Variants in SLC27A2 observed in about 807,000 individuals in gnomAD.
SLC27A2 encodes the protein long-chain fatty acid transport protein 2.
SLC27A2 carries 54 observed loss-of-function variants against 60.0 expected under a neutral mutation model. The observed-to-expected ratio is 0.90, with a 90% confidence interval of 0.72 to 1.13. The LOEUF (loss-of-function observed/expected upper bound fraction) is 1.13, where lower values mean the gene tolerates loss of function less well. Ranked by LOEUF, SLC27A2 falls within the 50% of genes most tolerant of loss-of-function variation. The pLI, the probability that SLC27A2 is intolerant of heterozygous loss-of-function variation, is 0.00. For synonymous variants in SLC27A2, 297 were observed against 297.6 expected, an observed-to-expected ratio of 1.00 and a Z score of 0.02; for missense variants, 739 against 777.6, an observed-to-expected ratio of 0.95 and a Z score of 0.59.
At chr15:50,211,094 A>T (rs2045151177) in intron 4 of SLC27A2, among the ~76,000 whole-genome samples, 1 of 152,176 alleles carries the variant, frequency 6.6e-6, no homozygotes, top group Admixed American at 6.6e-5. Context: ...TAGGAATTCT[A>T]GGGCCCTGCC....
chr15:50,190,074 GGAA>G (rs1056162166), intron 1 of SLC27A2, among the ~76,000 whole-genome samples: 7 of 152,132 alleles, frequency 4.6e-5, no homozygotes, highest in Admixed American at 6.5e-5. Context: ...ATTTGTGTGG[GGAA>G]GAAGGAGGAG....
intron 4 of SLC27A2, among the ~76,000 whole-genome samples, chr15:50,208,931 T>A (rs2045133952): frequency 6.6e-6 from 1 of 152,088 alleles, no homozygotes; most frequent in African/African-American, 2.4e-5. Context: ...CTAGGGAAAG[T>A]TATTTATTGG....
At chr15:50,199,162 A>T (rs1410149735) in intron 2 of SLC27A2, among the ~76,000 whole-genome samples, 1 of 152,188 alleles carries the variant, frequency 6.6e-6, no homozygotes, top group East Asian at 1.9e-4. Flanking sequence ...GAATGGTAAA[A>T]TTAAATTGTA....
chr15:50,202,369 C>T, intron 2 of SLC27A2, 118 bp from the exon 3 acceptor site: 1 of 998,862 alleles, frequency 1.0e-6, no homozygotes. Flanking sequence ...TGGTCATGGC[C>T]CTTCCCAGTG....
chr15:50,226,903 G>A, intron 6 of SLC27A2, 77 bp from the exon 7 acceptor site: 7 of 1,212,512 alleles, frequency 5.8e-6, no homozygotes, highest in Non-Finnish European at 8.2e-6. Context: ...AGGTTGTATG[G>A]CATTAGTTTT....
intron 4 of SLC27A2, among the ~76,000 whole-genome samples, chr15:50,217,654 T>C (rs2045209184): frequency 6.6e-6 from 1 of 152,126 alleles, no homozygotes; most frequent in Non-Finnish European, 1.5e-5. Context: ...TGCCTAATCA[T>C]CTTTCTGTTG....
chr15:50,205,195 T>G (rs763902902), intron 3 of SLC27A2, 44 bp from the exon 4 acceptor site: 113 of 1,562,700 alleles, frequency 7.2e-5, no homozygotes, highest in Middle Eastern at 6.8e-4. Flanking sequence ...GGGAGAATTT[T>G]TTCCACCATT....
intron 1 of SLC27A2, among the ~76,000 whole-genome samples, chr15:50,185,806 T>C (rs1329604071): frequency 6.6e-6 from 1 of 151,982 alleles, no homozygotes; most frequent in Non-Finnish European, 1.5e-5. Flanking sequence ...ATTTTTTGTA[T>C]TTTTAGTAGG....
At chr15:50,218,596 AATTCTAG>A (rs1174929605) in intron 4 of SLC27A2, among the ~76,000 whole-genome samples, 1 of 152,196 alleles carries the variant, frequency 6.6e-6, no homozygotes, top group Non-Finnish European at 1.5e-5. Flanking sequence ...GTGCTTTCAA[AATTCTAG>A]ATACAAATTA....
At chr15:50,209,993 A>G (rs908630713) in intron 4 of SLC27A2, among the ~76,000 whole-genome samples, 2 of 152,222 alleles carry the variant, frequency 1.3e-5, no homozygotes, top group Non-Finnish European at 2.9e-5. Context: ...GGCAAGTCCC[A>G]ACAGGAAGGA....
intron 8 of SLC27A2, among the ~76,000 whole-genome samples, chr15:50,229,833 C>T (rs1347973542): frequency 6.6e-6 from 1 of 152,034 alleles, no homozygotes; most frequent in African/African-American, 2.4e-5. Context: ...ATTATTATTC[C>T]CCCACAACTC....
In SLC27A2 at chr15:50,182,549, G is replaced by A. The variant is rs751153417; in HGVS notation, c.122G>A (p.Arg41Gln). 8 of 1,613,036 alleles carry A rather than the reference G, an allele frequency of 5.0e-6. No homozygotes were observed. Among genetic ancestry groups the A allele is most frequent in the East Asian group, 2.2e-5 (1 of 44,854 alleles). Reference protein sequence around the residue: ...GYFLKVAAVGRRVRSYGKRRP... With the variant: ...GYFLKVAAVGQRVRSYGKRRP... ...TTCTTGAAGGTGGCCGCCGTGGGCC[G>A]GAGGGTGCGCAGCTACGGGAAGCGG... Residue 41 changes from arginine to glutamine, a missense_variant, in exon 1 of 10, where the codon CGG (arginine) becomes CAG (glutamine). Transcript: ENST00000267842.
rs200931662 is a variant in SLC27A2 at position 50,205,258 on chromosome 15, G to T, written c.867G>T (p.Arg289=). The T allele has an allele frequency of 2.1e-5, 34 of 1,607,852 alleles. No homozygotes were observed. Among genetic ancestry groups the T allele is most frequent in the Non-Finnish European group, 2.8e-5 (33 of 1,176,216 alleles). Residue 289 remains arginine, a synonymous_variant, in exon 4 of 10, where the codon CGG becomes CGT. Coordinates refer to ENST00000267842, the MANE Select transcript of SLC27A2 (RefSeq NM_003645.4). ...CIVAGATLAL[R]TKFSASQFWD... ...CTGTAGGTGCTACTCTTGCCTTGCGGACTAAATTTTCAGCCAGCCAGTTTT... is the reference window on the plus strand; with the variant it reads ...CTGTAGGTGCTACTCTTGCCTTGCGTACTAAATTTTCAGCCAGCCAGTTTT...
chr15:50,231,406 C>T (rs1263888479), intron 8 of SLC27A2, among the ~76,000 whole-genome samples: 1 of 152,170 alleles, frequency 6.6e-6, no homozygotes, highest in Non-Finnish European at 1.5e-5. Flanking sequence ...CGACCTTGGC[C>T]TCCCAAAGTG....
intron 4 of SLC27A2, among the ~76,000 whole-genome samples, chr15:50,213,319 A>T (rs1595688049): frequency 6.6e-6 from 1 of 152,346 alleles, no homozygotes; most frequent in East Asian, 1.9e-4. Context: ...TTGCTACTAG[A>T]CCTAAGAAAT....
chr15:50,220,723 C>A (rs767408897), intron 4 of SLC27A2, among the ~76,000 whole-genome samples: 1 of 152,140 alleles, frequency 6.6e-6, no homozygotes, highest in South Asian at 2.1e-4. Flanking sequence ...GCCTTGTGGG[C>A]AGGGTGACCC....
intron 9 of SLC27A2, 66 bp from the exon 10 acceptor site, chr15:50,235,854 C>T: frequency 2.3e-6 from 3 of 1,318,780 alleles, no homozygotes; most frequent in South Asian, 2.8e-5. Context: ...CCACCCCTAC[C>T]CCTTGCTCTG....
At chr15:50,207,374 G>T (rs950827045) in intron 4 of SLC27A2, among the ~76,000 whole-genome samples, 10 of 151,984 alleles carry the variant, frequency 6.6e-5, no homozygotes, top group African/African-American at 2.4e-4. Context: ...AATGACCCCT[G>T]GACTTCCTAT....
At position 50,227,154 on chromosome 15, in the gene SLC27A2, A is replaced by G. The variant is rs758059194; in HGVS notation, c.1433A>G (p.His478Arg). 2 of 1,614,086 alleles carry G rather than the reference A, an allele frequency of 1.2e-6. No individual in the cohort carries two copies. The highest frequency in any genetic ancestry group is 1.1e-5 in the South Asian group (1 of 91,068). ...MVDHENFIYFHDRVGDTFRWK... is the reference protein window; with the variant it reads ...MVDHENFIYFRDRVGDTFRWK... Reference sequence around the variant, plus strand: ...GACCATGAAAATTTCATCTATTTCCACGACAGAGTTGGAGATACATTCCGG... The same window carrying G: ...GACCATGAAAATTTCATCTATTTCCGCGACAGAGTTGGAGATACATTCCGG... The change falls in exon 7 of 10, where the codon CAC becomes CGC. Residue 478 changes from histidine (H) to arginine (R), a missense_variant. Coordinates refer to ENST00000267842, the MANE Select transcript of SLC27A2 (RefSeq NM_003645.4).
Sources: allele counts gnomAD v4.1 joint callset (sites outside exome capture counted in the v4.1 genomes callset), GRCh38; gene constraint gnomAD v4.1.1; transcripts MANE v1.5; gene names NCBI Gene and HGNC (gene_info 2026-07-23, HGNC 2026-07-21).